The following ST6GALNAC3 variants were observed in gnomAD, a reference collection of about 807,000 sequenced individuals.
The protein encoded by ST6GALNAC3 is alpha-N-acetylgalactosaminide alpha-2,6-sialyltransferase 3.
ST6GALNAC3 carries 25 observed loss-of-function variants against 32.7 expected under a neutral mutation model. That is an observed-to-expected ratio of 0.76 (90% confidence interval 0.56 to 1.07). The LOEUF is 1.07. ST6GALNAC3 is among the 50% of genes least tolerant of loss of function. ST6GALNAC3 has a pLI of 0.00. For missense variants in ST6GALNAC3, 355 were observed against 382.4 expected (o/e 0.93, Z 0.60); for synonymous variants, 129 against 133.1 (o/e 0.97, Z 0.21).
intron 1 of ST6GALNAC3, chr1:76,309,824 G>A (rs1205027378): frequency 2.6e-6 from 1 of 383,854 alleles, no homozygotes; most frequent in Non-Finnish European, 5.2e-6. Context: ...CTCTCTGGTT[G>A]CTCCCTTCAC....
intron 3 of ST6GALNAC3, among the ~76,000 whole-genome samples, chr1:76,608,307 C>T (rs1037644142): frequency 6.6e-6 from 1 of 152,010 alleles, no homozygotes; most frequent in Non-Finnish European, 1.5e-5. Context: ...ATTTATTGAG[C>T]CTCTATTATA....
At chr1:76,197,684 T>C (rs1245715733) in intron 1 of ST6GALNAC3, among the ~76,000 whole-genome samples, 1 of 152,238 alleles carries the variant, frequency 6.6e-6, no homozygotes, top group South Asian at 2.1e-4. Context: ...GTTCACTGAG[T>C]GTAGGTCAAG....
intron 3 of ST6GALNAC3, among the ~76,000 whole-genome samples, chr1:76,514,696 T>C (rs1174602566): frequency 2.0e-5 from 3 of 152,194 alleles, no homozygotes; most frequent in Non-Finnish European, 4.4e-5. Flanking sequence ...CCAAGCATGC[T>C]TTTGAACTTC....
At chr1:76,498,211 A>G (rs1449721425) in intron 3 of ST6GALNAC3, among the ~76,000 whole-genome samples, 1 of 152,176 alleles carries the variant, frequency 6.6e-6, no homozygotes, top group Non-Finnish European at 1.5e-5. Context: ...AAGTCCCAAG[A>G]TTTAAGTTTA....
At chr1:76,570,710 C>G (rs1665810653) in intron 3 of ST6GALNAC3, among the ~76,000 whole-genome samples, 1 of 152,078 alleles carries the variant, frequency 6.6e-6, no homozygotes, top group South Asian at 2.1e-4. Context: ...TTTGACATAT[C>G]TCCTTGTCAA....
At chr1:76,573,609 T>G (rs1192245513) in intron 3 of ST6GALNAC3, among the ~76,000 whole-genome samples, 2 of 151,812 alleles carry the variant, frequency 1.3e-5, no homozygotes, top group African/African-American at 4.8e-5. Flanking sequence ...TGTAGAGATG[T>G]TCATCCAATT....
chr1:76,329,044 C>T (rs1183738814), intron 2 of ST6GALNAC3, among the ~76,000 whole-genome samples: 2 of 152,116 alleles, frequency 1.3e-5, no homozygotes, highest in African/African-American at 4.8e-5. Flanking sequence ...CACTCTCAGC[C>T]TGTTGTTAAT....
chr1:76,201,348 C>T (rs1262277237), intron 1 of ST6GALNAC3, among the ~76,000 whole-genome samples: 1 of 152,184 alleles, frequency 6.6e-6, no homozygotes, highest in Admixed American at 6.5e-5. Flanking sequence ...CTTTATCAAA[C>T]AATCACATTG....
At position 76,509,030 on chromosome 1, in the gene ST6GALNAC3, A is replaced by G. The variant is rs1436202682; in HGVS notation, c.623+96613A>G. ...CTAGGTCTGGGATGCTTCTAACATG[A>G]GTCTAAGAGTTGAACAGCTTGTCAT... On this transcript the variant is annotated intron_variant, in intron 3 of 4. Transcript: ENST00000328299. The surrounding 1 kb of genome is among the most constrained non-coding windows in gnomAD (Gnocchi z 5.5). Among the ~76,000 whole-genome samples the G allele has an allele frequency of 6.6e-6, 1 of 152,222 alleles. No homozygotes were observed. The highest frequency in any genetic ancestry group is 1.5e-5 in the Non-Finnish European group (1 of 68,044).
chr1:76,383,379 T>C (rs1332671714), intron 2 of ST6GALNAC3, among the ~76,000 whole-genome samples: 1 of 135,314 alleles, frequency 7.4e-6, no homozygotes, highest in Non-Finnish European at 1.5e-5. Context: ...CAGGCGATCC[T>C]TCTACTTCAG....
chr1:76,115,635 A>T (rs982505008), intron 1 of ST6GALNAC3, among the ~76,000 whole-genome samples: 2 of 151,986 alleles, frequency 1.3e-5, no homozygotes, highest in African/African-American at 4.8e-5. Flanking sequence ...GGCTTCTTTG[A>T]GTACAGAAAT....
At chr1:76,337,927 T>G (rs1267549455) in intron 2 of ST6GALNAC3, among the ~76,000 whole-genome samples, 1 of 152,104 alleles carries the variant, frequency 6.6e-6, no homozygotes, top group Non-Finnish European at 1.5e-5. Context: ...TGGTACATAC[T>G]CAGGCAAGGC....
At chr1:76,474,500 T>A (rs1659225487) in intron 3 of ST6GALNAC3, among the ~76,000 whole-genome samples, 1 of 152,090 alleles carries the variant, frequency 6.6e-6, no homozygotes, top group South Asian at 2.1e-4. Context: ...AAGAACTGGA[T>A]TTTGGGGGAA....
chr1:76,179,083 AC>A (rs1333778229), intron 1 of ST6GALNAC3, among the ~76,000 whole-genome samples: 1 of 152,060 alleles, frequency 6.6e-6, no homozygotes, highest in East Asian at 1.9e-4. Flanking sequence ...TGGTACCAGA[AC>A]CTTTACTTTT....
At chr1:76,527,789 G>A (rs573437529) in intron 3 of ST6GALNAC3, among the ~76,000 whole-genome samples, 1 of 152,252 alleles carries the variant, frequency 6.6e-6, no homozygotes, top group East Asian at 1.9e-4. Flanking sequence ...AGTTGGTAAA[G>A]TGGCCATTTA....
chr1:76,349,576 T>A (rs1330784701), intron 2 of ST6GALNAC3, among the ~76,000 whole-genome samples: 1 of 152,288 alleles, frequency 6.6e-6, no homozygotes, highest in East Asian at 1.9e-4. Context: ...AAGAGGAAAA[T>A]GACCCAAAAG....
At chr1:76,136,563 A>ATGTG (rs149803671) in intron 1 of ST6GALNAC3, among the ~76,000 whole-genome samples, 1 of 151,426 alleles carries the variant, frequency 6.6e-6, no homozygotes, top group Non-Finnish European at 1.5e-5. Context: ...AAGTGTGTGT[A>ATGTG]TGTGTGTGTG....
Position 76,633,912 on chromosome 1 carries a change from G to T in ST6GALNAC3, c.*5106G>T, listed in dbSNP as rs894058305. The T allele has an allele frequency of 6.6e-6, 1 of 152,354 alleles. No individual in the cohort carries two copies. Among genetic ancestry groups the T allele is most frequent in the Non-Finnish European group, 1.5e-5 (1 of 68,240 alleles). The allele number at this position is 152,354 out of a possible 1,614,324, so 9.4% of individuals were successfully genotyped here. On this transcript the variant is annotated 3_prime_UTR_variant, in exon 5 of 5. Coordinates refer to ENST00000328299, the MANE Select transcript of ST6GALNAC3 (RefSeq NM_152996.4). ...TCTTGTGGCTCAGAAATAGTATATTGTTCTGTTGCTTGTTTTTGCTGAACT... is the reference window on the plus strand; with the variant it reads ...TCTTGTGGCTCAGAAATAGTATATTTTTCTGTTGCTTGTTTTTGCTGAACT...
chr1:76,467,310 C>T lies in ST6GALNAC3; in HGVS notation c.623+54893C>T, dbSNP rs927018112. ...CCGTGAAATGTCCTGATATGAGTGG[C>T]GTAAGTAGGCTTTTTGGAAGGGGCT... On this transcript the variant is annotated intron_variant, in intron 3 of 4. Transcript: ENST00000328299. Among the ~76,000 whole-genome samples the T allele has an allele frequency of 1.3e-4, 19 of 151,798 alleles. No individual in the cohort carries two copies. The Middle Eastern group carries it at 0.01, about 82-fold the overall frequency.
Sources: allele counts gnomAD v4.1 joint callset (sites outside exome capture counted in the v4.1 genomes callset), GRCh38; gene constraint gnomAD v4.1.1; non-coding constraint Gnocchi (gnomAD v3.1); transcripts MANE v1.5; gene names NCBI Gene and HGNC (gene_info 2026-07-23, HGNC 2026-07-21).